RAD50: variants seen among roughly 807,000 people sequenced by gnomAD.
RAD50 encodes RAD50 double strand break repair protein.
RAD50 carries 132 observed loss-of-function variants against 168.8 expected under a neutral mutation model. The ratio of observed to expected loss-of-function variants is 0.78; its 90% CI spans 0.68 to 0.90. The LOEUF (loss-of-function observed/expected upper bound fraction) is 0.90, where lower values mean the gene tolerates loss of function less well. Ranked by LOEUF, RAD50 falls within the 40% of genes least tolerant of loss-of-function variation. The probability of loss-of-function intolerance (pLI) is 0.00; values close to 1 mark genes in which losing one functional copy is unlikely to be tolerated. For missense variants in RAD50, 1,347 were observed against 1,534.4 expected (o/e 0.88, Z 2.04); for synonymous variants, 525 against 497.4 (o/e 1.06, Z -0.74).
At chr5:132,633,747 T>A (rs1480955469) in intron 21 of RAD50, among the ~76,000 whole-genome samples, 1 of 152,028 alleles carries the variant, frequency 6.6e-6, no homozygotes, top group African/African-American at 2.4e-5. Flanking sequence ...AGCTAATTTT[T>A]AAATTTTTTT....
chr5:132,608,593 T>G (rs1561647036), intron 16 of RAD50, 22 bp from the exon 17 acceptor site: 1 of 1,508,746 alleles, frequency 6.6e-7, no homozygotes, highest in East Asian at 2.5e-5. Flanking sequence ...TATATAATAC[T>G]TTATCTTTTT....
chr5:132,579,675 ATATT>A (rs1213967793), intron 4 of RAD50, 173 bp downstream of exon 4: 21 of 826,580 alleles, frequency 2.5e-5, no homozygotes, highest in Admixed American at 2.3e-4. Context: ...TTCTGTGCGT[ATATT>A]TATTTACCTG....
intron 5 of RAD50, among the ~76,000 whole-genome samples, chr5:132,585,164 C>T (rs1750575066): frequency 6.6e-6 from 1 of 152,128 alleles, no homozygotes; most frequent in Non-Finnish European, 1.5e-5. Context: ...CTTCTGTATA[C>T]AGGTCTTTGG....
chr5:132,616,227 C>G, intron 20 of RAD50, 97 bp downstream of exon 20: 1 of 1,246,538 alleles, frequency 8.0e-7, no homozygotes, highest in Middle Eastern at 2.8e-4. Flanking sequence ...TTAGCCTCAG[C>G]CTGGTATCCT....
intron 5 of RAD50, among the ~76,000 whole-genome samples, chr5:132,580,478 G>T (rs1402907650): frequency 5.3e-5 from 8 of 152,132 alleles, no homozygotes; most frequent in Non-Finnish European, 1.2e-4. Context: ...TAGTAGTATA[G>T]ATCACTAGGT....
chr5:132,609,409 T>G lies in RAD50; in HGVS notation c.3036+13T>G, dbSNP rs759606107. On this transcript the variant is annotated intron_variant, in intron 19 of 24. Coordinates refer to ENST00000378823, the MANE Select transcript of RAD50 (RefSeq NM_005732.4). ...TGATACACAGAAGGTAGGTCTGTTT[T>G]GCTTATGATATCACTTACACCTATG... 2 of 1,613,160 alleles carry G rather than the reference T, an allele frequency of 1.2e-6. No homozygotes were observed. The highest frequency in any genetic ancestry group is 1.3e-5 in the African/African-American group (1 of 74,908).
At chr5:132,563,331 A>G (rs1750153408) in intron 2 of RAD50, among the ~76,000 whole-genome samples, 1 of 152,230 alleles carries the variant, frequency 6.6e-6, no homozygotes, top group South Asian at 2.1e-4. Flanking sequence ...TACCAGGAAC[A>G]TCCACTGTTA....
At chr5:132,565,136 T>C (rs1320167908) in intron 2 of RAD50, among the ~76,000 whole-genome samples, 1 of 152,150 alleles carries the variant, frequency 6.6e-6, no homozygotes, top group African/African-American at 2.4e-5. Context: ...CTTTACTCTT[T>C]TTCTTCTGCT....
rs775727488 is a variant in RAD50 at position 132,588,636 on chromosome 5, A to G, written c.1052-51A>G. 20 of 1,533,558 alleles carry G rather than the reference A, an allele frequency of 1.3e-5. No homozygotes were observed. The Admixed American group carries it at 2.5e-4, about 19-fold the overall frequency. The allele number at this position is 1,533,558 out of a possible 1,614,324, so 95.0% of individuals were successfully genotyped here. A position where few individuals can be genotyped will look rare whatever the true frequency, so the allele number is the denominator to read the frequency against. On this transcript the variant is annotated intron_variant, in intron 7 of 24. Transcript: ENST00000378823. ...AACTCGTGAATCTGCAGCTATCTCA[A>G]CTTTTTAAGCACCAGTTGAAAAAAA...
Position 132,587,626 on chromosome 5 carries a change from C to T in RAD50, c.821C>T (p.Ala274Val), listed in dbSNP as rs587781947. Residue 274 changes from alanine (A) to valine (V), a missense_variant, in exon 6 of 25, where the codon GCC becomes GTC. Ala to Val is a moderately conservative substitution (Grantham distance 64, BLOSUM62 0). This residue lies in a region of RAD50 where 703 missense variants were observed against 767.7 expected (regional missense o/e 0.92). Transcript: ENST00000378823. ...ATGAAACTTGACAATGAAATTAAAG[C>T]CTTGGATAGCCGAAAGAAGCAAATG... ...KIMKLDNEIK[A>V]LDSRKKQMEK... is the part of the protein sequence containing the mutation. 1 of 1,613,506 alleles carries T rather than the reference C, an allele frequency of 6.2e-7. No homozygotes were observed.
rs1751433647 is a variant in RAD50, at chr5:132,629,917, A to G, written c.3390-7198A>G. Among the ~76,000 whole-genome samples the G allele has an allele frequency of 2.6e-5, 4 of 152,232 alleles. No individual in the cohort carries two copies. The South Asian group carries it at 8.3e-4, about 32-fold the overall frequency. On this transcript the variant is annotated intron_variant, in intron 21 of 24. Transcript: ENST00000378823. ...CATCATTTGGAATGTATTACCCCAT[A>G]CTAATACAATATACCAATTTAAATG...
At chr5:132,579,834 A>C in intron 4 of RAD50, 28 bp from the exon 5 acceptor site, 1 of 1,562,870 alleles carries the variant, frequency 6.4e-7, no homozygotes, top group Non-Finnish European at 8.8e-7. Context: ...TTTGCCAGAA[A>C]TTTGATTTTT....
chr5:132,579,289 A>G (rs768720146), intron 3 of RAD50, 28 bp from the exon 4 acceptor site: 1 of 1,600,262 alleles, frequency 6.2e-7, no homozygotes, highest in Non-Finnish European at 8.6e-7. Flanking sequence ...GTTATTTTAC[A>G]TATATTCTTG....
At chr5:132,641,399 G>C (rs1405363711) in intron 24 of RAD50, among the ~76,000 whole-genome samples, 1 of 152,184 alleles carries the variant, frequency 6.6e-6, no homozygotes, top group East Asian at 1.9e-4. Context: ...TTTCCCTGAG[G>C]TCAAAGGAGG....
At chr5:132,612,281 T>C (rs958323791) in intron 19 of RAD50, among the ~76,000 whole-genome samples, 4 of 152,324 alleles carry the variant, frequency 2.6e-5, no homozygotes, top group African/African-American at 4.8e-5. Flanking sequence ...ATTCCACTTA[T>C]AATAAATGTA....
intron 17 of RAD50, 46 bp downstream of exon 17, chr5:132,608,771 C>CT (rs1424949487): frequency 6.5e-7 from 1 of 1,541,946 alleles, no homozygotes; most frequent in South Asian, 1.2e-5. Flanking sequence ...CTGTATTAAA[C>CT]TTATGTTCAT....
At chr5:132,569,449 C>T (rs1399285839) in intron 2 of RAD50, among the ~76,000 whole-genome samples, 1 of 152,068 alleles carries the variant, frequency 6.6e-6, no homozygotes, top group Non-Finnish European at 1.5e-5. Context: ...AATGCAAGGA[C>T]ACAAAAATTC....
rs771068208 is a variant in RAD50, at chr5:132,588,045, C to T, written c.1007C>T (p.Ser336Phe). The T allele has an allele frequency of 1.9e-6, 3 of 1,612,458 alleles. No homozygotes were observed. The highest frequency in any genetic ancestry group is 2.7e-5 in the African/African-American group (2 of 74,862). Residue 336 changes from serine (S) to phenylalanine (F), a missense_variant, in exon 7 of 25, where the codon TCT (serine) becomes TTT (phenylalanine). Ser to Phe is a radical substitution (Grantham distance 155). Around this residue, in one of 3 missense-constraint regions of RAD50, gnomAD observed 703 missense variants for 767.7 expected, o/e 0.92. Coordinates refer to ENST00000378823, the MANE Select transcript of RAD50 (RefSeq NM_005732.4). ...GAACTGGAAAAACTAAATAAAGAAT[C>T]TAGGCTTCTCAATCAGGAAAAATCA... ...HRELEKLNKESRLLNQEKSEL... is the reference protein window; with the variant it reads ...HRELEKLNKEFRLLNQEKSEL...
intron 11 of RAD50, 38 bp from the exon 12 acceptor site, chr5:132,594,831 T>G: frequency 6.4e-7 from 1 of 1,562,998 alleles, no homozygotes; most frequent in East Asian, 2.2e-5. Context: ...TAATTTCTCC[T>G]ATTTTAAAAT....
Sources: allele counts gnomAD v4.1 joint callset (sites outside exome capture counted in the v4.1 genomes callset), GRCh38; gene constraint gnomAD v4.1.1; regional missense constraint gnomAD v4.1.1; transcripts MANE v1.5; gene names NCBI Gene and HGNC (gene_info 2026-07-23, HGNC 2026-07-21).